The following PRKACB variants were observed in gnomAD, a reference collection of about 807,000 sequenced individuals.
PRKACB encodes the protein cAMP-dependent protein kinase catalytic subunit beta.
PRKACB carries 16 observed loss-of-function variants against 51.4 expected under a neutral mutation model. That is an observed-to-expected ratio of 0.31 (90% CI 0.21 to 0.47). The LOEUF is 0.47. PRKACB is among the 20% of genes least tolerant of loss of function. The pLI is 1.00. For synonymous variants in PRKACB, 147 were observed against 154.4 expected, an observed-to-expected ratio of 0.95 and a Z score of 0.35; for missense variants, 309 against 464.5, an observed-to-expected ratio of 0.67 and a Z score of 3.08.
Position 84,101,014 on chromosome 1 carries a change from A to G in PRKACB, c.46+22643A>G, listed in dbSNP as rs545296209. 1.5e-4 allele frequency among the ~76,000 whole-genome samples: 23 copies of G among 152,288 alleles called. No homozygotes were observed. In the South Asian group the frequency reaches 4.6e-3, roughly 30 times the overall value. ...CTTCATTTAGTTTTCTCCTTATTAT[A>G]ATCTTTTCAATGATAAGAAACTCAT... On this transcript the variant is annotated intron_variant, in intron 1 of 8. Coordinates refer to the PRKACB transcript ENST00000370688.
At chr1:84,107,303 A>G (rs191694498) in intron 1 of PRKACB, among the ~76,000 whole-genome samples, 153 of 152,200 alleles carry the variant, frequency 1.0e-3, no homozygotes, top group African/African-American at 3.6e-3. Flanking sequence ...CTGAAACTGG[A>G]CCCCTTCCTT....
chr1:84,184,808 A>G (rs1664615378), intron 4 of PRKACB, among the ~76,000 whole-genome samples: 1 of 151,812 alleles, frequency 6.6e-6, no homozygotes, highest in African/African-American at 2.4e-5. Context: ...TCTTTTGCAT[A>G]TATTATAACG....
intron 9 of PRKACB, among the ~76,000 whole-genome samples, chr1:84,229,564 C>T (rs1159676196): frequency 6.7e-6 from 1 of 149,850 alleles, no homozygotes; most frequent in Admixed American, 6.7e-5. Flanking sequence ...TAAAAGTGTT[C>T]CTATTTCTCC....
intron 9 of PRKACB, among the ~76,000 whole-genome samples, chr1:84,216,843 C>G (rs1672957541): frequency 6.6e-6 from 1 of 152,168 alleles, no homozygotes; most frequent in African/African-American, 2.4e-5. Flanking sequence ...GTCACATTAT[C>G]CCTTTAAAGT....
chr1:84,106,207 A>T (rs1015135796), intron 1 of PRKACB, among the ~76,000 whole-genome samples: 2 of 152,104 alleles, frequency 1.3e-5, no homozygotes, highest in Non-Finnish European at 2.9e-5. Flanking sequence ...TCCTGTTTAA[A>T]AGTATATGGG....
intron 1 of PRKACB, chr1:84,175,865 A>C: frequency 7.9e-7 from 1 of 1,260,352 alleles, no homozygotes; most frequent in Non-Finnish European, 1.1e-6. Flanking sequence ...TACAAACAGA[A>C]AAAATATATA....
chr1:84,220,404 T>C (rs1673524284), intron 9 of PRKACB, among the ~76,000 whole-genome samples: 1 of 152,162 alleles, frequency 6.6e-6, no homozygotes, highest in East Asian at 1.9e-4. Flanking sequence ...GCATTGTATT[T>C]AGATGCCTTG....
intron 2 of PRKACB, chr1:84,181,603 G>T: frequency 8.9e-7 from 1 of 1,127,316 alleles, no homozygotes; most frequent in East Asian, 3.0e-5. Flanking sequence ...TATTGTTGTT[G>T]TTTTAGATAA....
At chr1:84,149,918 T>C (rs1266372772) in intron 1 of PRKACB, among the ~76,000 whole-genome samples, 1 of 152,162 alleles carries the variant, frequency 6.6e-6, no homozygotes, top group Non-Finnish European at 1.5e-5. Flanking sequence ...ATTATAGCAC[T>C]TGAGAATGTG....
chr1:84,173,147 A>C (rs1660088456), intron 1 of PRKACB, among the ~76,000 whole-genome samples: 1 of 151,742 alleles, frequency 6.6e-6, no homozygotes, highest in African/African-American at 2.4e-5. Flanking sequence ...TTGGTTAAAA[A>C]AAAAGGATAT....
chr1:84,212,577 A>T (rs2134646), intron 8 of PRKACB, among the ~76,000 whole-genome samples: 74,015 of 151,874 alleles, frequency 0.49, 18,648 homozygotes, highest in Non-Finnish European at 0.56. Context: ...TGACTAGATT[A>T]CTGGTCCCAA....
At chr1:84,088,634 A>G (rs972148744) in intron 1 of PRKACB, among the ~76,000 whole-genome samples, 1 of 152,176 alleles carries the variant, frequency 6.6e-6, no homozygotes, top group African/African-American at 2.4e-5. Context: ...TAAACTGTGG[A>G]AGAATATGAG....
chr1:84,115,645 G>A (rs1482594553), intron 1 of PRKACB, among the ~76,000 whole-genome samples: 1 of 151,868 alleles, frequency 6.6e-6, no homozygotes, highest in Non-Finnish European at 1.5e-5. Context: ...CACTTTGGGA[G>A]GCCAAGGTGG....
At chr1:84,173,943 A>G (rs11163911) in intron 1 of PRKACB, among the ~76,000 whole-genome samples, 74,733 of 151,536 alleles carry the variant, frequency 0.49, 18,957 homozygotes, top group Non-Finnish European at 0.56. Context: ...AGCCATCAAC[A>G]TCTAACATAT....
intron 1 of PRKACB, among the ~76,000 whole-genome samples, chr1:84,160,174 A>C (rs1412352060): frequency 2.0e-5 from 3 of 152,056 alleles, no homozygotes. Context: ...TAACCAGTGA[A>C]GCCATCTCGA....
chr1:84,114,689 G>A (rs190604076), intron 1 of PRKACB, among the ~76,000 whole-genome samples: 103 of 151,966 alleles, frequency 6.8e-4, no homozygotes, highest in African/African-American at 2.3e-3. Flanking sequence ...TCCCTGCTCC[G>A]TCCTAGTCAG....
chr1:84,219,066 A>AT (rs1239770097), intron 9 of PRKACB, among the ~76,000 whole-genome samples: 3 of 152,066 alleles, frequency 2.0e-5, no homozygotes, highest in Middle Eastern at 3.4e-3. Context: ...GTTTGCAAAT[A>AT]TTTTTTTCTC....
At chr1:84,191,683 A>G (rs1666836218) in intron 5 of PRKACB, among the ~76,000 whole-genome samples, 1 of 152,044 alleles carries the variant, frequency 6.6e-6, no homozygotes, top group Non-Finnish European at 1.5e-5. Flanking sequence ...ACTAGAGAGG[A>G]GAGGGAGGGA....
At chr1:84,175,004 C>T in intron 1 of PRKACB, 1 of 1,453,394 alleles carries the variant, frequency 6.9e-7, no homozygotes, top group Non-Finnish European at 9.1e-7. Flanking sequence ...ATAATTTAAT[C>T]ATTTTCTAAT....
Sources: gnomAD v4.1 joint callset for allele counts (sites outside exome capture counted in the v4.1 genomes callset) on GRCh38, gnomAD v4.1.1 for gene constraint, MANE v1.5 for transcripts, NCBI Gene and HGNC (gene_info 2026-07-23, HGNC 2026-07-21) for gene names.